Variants in AGBL1 observed in about 807,000 individuals in gnomAD.
AGBL1 encodes AGBL carboxypeptidase 1.
In AGBL1, 130 loss-of-function variants were observed where a neutral mutation model predicts 118.9. The ratio of observed to expected loss-of-function variants is 1.09; its 90% CI spans 0.95 to 1.26. AGBL1 has a LOEUF of 1.26. AGBL1 is among the 50% of genes most tolerant of loss of function. The pLI, the probability that AGBL1 is intolerant of heterozygous loss-of-function variation, is 0.00. For synonymous variants in AGBL1, 555 were observed against 478.9 expected, an observed-to-expected ratio of 1.16 and a Z score of -2.08; for missense variants, 1,584 against 1,298.1, an observed-to-expected ratio of 1.22 and a Z score of -3.38.
Position 86,413,327 on chromosome 15 carries a change from A to G in AGBL1, c.2555+15781A>G, listed in dbSNP as rs1030531253. Among the ~76,000 whole-genome samples, 5 of 152,204 alleles carry G rather than the reference A, an allele frequency of 3.3e-5. No individual in the cohort carries two copies. The South Asian group carries it at 1.0e-3, about 31-fold the overall frequency. ...ATATTTGCAATCTAGCCAGACATTTATGTAAACTATTATGCATAATATTAT... is the reference window on the plus strand; with the variant it reads ...ATATTTGCAATCTAGCCAGACATTTGTGTAAACTATTATGCATAATATTAT... On this transcript the variant is annotated intron_variant, in intron 18 of 22. Coordinates refer to ENST00000614907, the MANE Select transcript of AGBL1 (RefSeq NM_001386094.1).
rs181289422 is a variant in AGBL1 at position 86,878,506 on chromosome 15, C to T, written c.3159-28581C>T. On this transcript the variant is annotated intron_variant, in intron 22 of 22. Transcript: ENST00000614907. ...CAAGCTTCTTGTTCATGGCCCAGTG[C>T]GGGTGCTCCTCGGTACTTCTATTTT... Among the ~76,000 whole-genome samples the T allele has an allele frequency of 6.6e-5, 10 of 152,240 alleles. No individual in the cohort carries two copies. In the East Asian group the frequency reaches 1.2e-3, roughly 18 times the overall value.
chr15:86,797,532 T>C (rs2078590252), intron 22 of AGBL1, among the ~76,000 whole-genome samples: 1 of 152,238 alleles, frequency 6.6e-6, no homozygotes, highest in Admixed American at 6.5e-5. Context: ...TAATTGCTGA[T>C]AGCTCTCTCC....
intron 18 of AGBL1, among the ~76,000 whole-genome samples, chr15:86,499,698 CTAG>C (rs2082896690): frequency 6.6e-6 from 1 of 151,744 alleles, no homozygotes; most frequent in Admixed American, 6.6e-5. Context: ...ATGGATTCAG[CTAG>C]TAGGAGGTAT....
At chr15:86,240,728 A>G (rs1265735081) in intron 6 of AGBL1, among the ~76,000 whole-genome samples, 1 of 152,180 alleles carries the variant, frequency 6.6e-6, no homozygotes, top group Non-Finnish European at 1.5e-5. Context: ...ATGGATTTTC[A>G]GGACGGCTCT....
At chr15:86,283,624 A>T (rs2079391528) in intron 16 of AGBL1, among the ~76,000 whole-genome samples, 3 of 152,180 alleles carry the variant, frequency 2.0e-5, no homozygotes, top group African/African-American at 7.2e-5. Context: ...GTCCAGTGGG[A>T]AATGTTGACT....
At chr15:86,965,349 T>C (rs538250504) in intron 23 of AGBL1, among the ~76,000 whole-genome samples, 59 of 152,172 alleles carry the variant, frequency 3.9e-4, no homozygotes, top group Non-Finnish European at 7.5e-4. Context: ...TGGTATCTCA[T>C]TGTGGTTTTG....
At chr15:86,245,425 C>T (rs1364905574) in intron 6 of AGBL1, among the ~76,000 whole-genome samples, 2 of 152,152 alleles carry the variant, frequency 1.3e-5, no homozygotes, top group Admixed American at 1.3e-4. Flanking sequence ...AACGGAGCTA[C>T]AAAATTTGGG....
intron 22 of AGBL1, among the ~76,000 whole-genome samples, chr15:86,889,561 G>C (rs530965047): frequency 6.6e-6 from 1 of 151,964 alleles, no homozygotes; most frequent in Non-Finnish European, 1.5e-5. Context: ...GGCCCCCAAC[G>C]GCAGGCCCCA....
chr15:86,203,483 A>T (rs972064110), intron 5 of AGBL1, among the ~76,000 whole-genome samples: 12 of 152,294 alleles, frequency 7.9e-5, no homozygotes, highest in African/African-American at 2.9e-4. Context: ...TGTATTTCTC[A>T]AGTATAAGAA....
chr15:86,868,472 T>C (rs561318901), intron 22 of AGBL1, among the ~76,000 whole-genome samples: 1 of 152,376 alleles, frequency 6.6e-6, no homozygotes, highest in East Asian at 1.9e-4. Flanking sequence ...CTAGAAATCA[T>C]GGAAGAAATG....
At chr15:86,171,127 C>T (rs186040368) in intron 5 of AGBL1, among the ~76,000 whole-genome samples, 4 of 152,150 alleles carry the variant, frequency 2.6e-5, no homozygotes, top group South Asian at 4.2e-4. Context: ...CAGACTCTCA[C>T]GCCAAGAAAT....
chr15:86,790,605 G>A (rs1456655985), intron 22 of AGBL1, among the ~76,000 whole-genome samples: 1 of 152,042 alleles, frequency 6.6e-6, no homozygotes, highest in Non-Finnish European at 1.5e-5. Flanking sequence ...GGTTCCTATG[G>A]TTTTTTAATG....
chr15:86,747,009 T>C (rs905604867), intron 22 of AGBL1, among the ~76,000 whole-genome samples: 1 of 152,064 alleles, frequency 6.6e-6, no homozygotes, highest in Non-Finnish European at 1.5e-5. Context: ...TTAAGTGGCA[T>C]GCTCATTTCC....
At chr15:86,095,735 G>A (rs372430654) in intron 1 of AGBL1, among the ~76,000 whole-genome samples, 1 of 146,744 alleles carries the variant, frequency 6.8e-6, no homozygotes, top group African/African-American at 2.5e-5. Context: ...TACTCTCTGT[G>A]GTTGGGGGGA....
chr15:86,132,595 C>G (rs1463783077), intron 1 of AGBL1, among the ~76,000 whole-genome samples: 1 of 152,086 alleles, frequency 6.6e-6, no homozygotes. Context: ...CATAGACTTC[C>G]TAGAAATAGA....
chr15:86,644,016 C>CA (rs1289291526), intron 21 of AGBL1, among the ~76,000 whole-genome samples: 5 of 151,944 alleles, frequency 3.3e-5, no homozygotes, highest in Admixed American at 1.3e-4. Context: ...TCTCAGTAAA[C>CA]AAAAAATTTT....
intron 3 of AGBL1, among the ~76,000 whole-genome samples, chr15:86,153,226 G>A (rs527890474): frequency 6.6e-6 from 1 of 152,224 alleles, no homozygotes; most frequent in South Asian, 2.1e-4. Flanking sequence ...GTTTATTTTG[G>A]CACTATTCAC....
intron 22 of AGBL1, among the ~76,000 whole-genome samples, chr15:86,811,483 C>T (rs996940916): frequency 2.6e-5 from 4 of 152,130 alleles, no homozygotes; most frequent in Admixed American, 2.6e-4. Flanking sequence ...AAAAACAATT[C>T]TCTAAGATGG....
intron 5 of AGBL1, among the ~76,000 whole-genome samples, chr15:86,171,901 G>A (rs1265048835): frequency 2.6e-5 from 4 of 152,204 alleles, no homozygotes; most frequent in Admixed American, 1.3e-4. Context: ...CAACCTAGAT[G>A]AAATTGGTGA....
Sources: allele counts gnomAD v4.1 joint callset (sites outside exome capture counted in the v4.1 genomes callset), GRCh38; gene constraint gnomAD v4.1.1; transcripts MANE v1.5; gene names NCBI Gene and HGNC (gene_info 2026-07-23, HGNC 2026-07-21).